Variants in ZNF99 observed in about 807,000 individuals in gnomAD.
ZNF99 encodes zinc finger protein ENSP00000375192.
A neutral mutation model predicts 12.8 loss-of-function variants in ZNF99; 8 were observed. That is an observed-to-expected ratio of 0.62 (90% CI 0.37 to 1.13). The LOEUF is 1.13. Among genes scored for constraint, ZNF99 ranks in the 50% most tolerant of loss-of-function variants. The pLI is 0.02. For missense variants in ZNF99, 1,007 were observed against 1,006.2 expected (o/e 1.00, Z -0.01); for synonymous variants, 318 against 319.0 (o/e 1.00, Z 0.03).
intron 3 of ZNF99, 107 bp from the exon 4 acceptor site, chr19:22,759,789 A>G (rs1469500720): frequency 1.3e-6 from 1 of 773,176 alleles, no homozygotes; most frequent in Admixed American, 3.7e-5. Flanking sequence ...AAGATGGCAC[A>G]GCAAAATAAG....
At position 22,753,621 on chromosome 19, in the gene ZNF99, G is replaced by GT. The variant is rs1390626556; in HGVS notation, c.*3692dup. On this transcript the variant is annotated 3_prime_UTR_variant, in exon 4 of 4. Transcript: ENST00000596209. Reference sequence around the variant, plus strand: ...TAGTACTACAACCGTCTTTATATTTGTAATGTTTGTCATCAAAAGAAATAC... The same window carrying GT: ...TAGTACTACAACCGTCTTTATATTTGTTAATGTTTGTCATCAAAAGAAATAC... 2.0e-5 allele frequency: 3 copies of GT among 153,650 alleles called. No individual in the cohort carries two copies. Among genetic ancestry groups the GT allele is most frequent in the African/African-American group, 7.2e-5 (3 of 41,408 alleles). 9.5% of individuals were successfully genotyped at this position (153,650 alleles called of 1,614,324 possible).
Position 22,784,054 on chromosome 19 carries a change from G to C in ZNF99, c.-38C>G. The C allele has an allele frequency of 6.2e-7, 1 of 1,612,938 alleles. No individual in the cohort carries two copies. On this transcript the variant is annotated 5_prime_UTR_variant, in exon 1 of 4. In the 5' UTR this introduces an upstream ATG that the reference lacks. Transcript: ENST00000596209. Reference sequence around the variant, plus strand: ...AGGGGGTCCTGGCGTCCTAGCTGTGGATCTCCAAATACCTACAGGTCACAG... The same window carrying C: ...AGGGGGTCCTGGCGTCCTAGCTGTGCATCTCCAAATACCTACAGGTCACAG...
chr19:22,775,730 G>A (rs1973318188), intron 1 of ZNF99, among the ~76,000 whole-genome samples: 1 of 152,172 alleles, frequency 6.6e-6, no homozygotes, highest in South Asian at 2.1e-4. Context: ...CTCCTTAAAA[G>A]TAAACAAAAC....
In ZNF99 at chr19:22,755,160, A is replaced by G. The variant is rs763097738; in HGVS notation, c.*2154T>C. On this transcript the variant is annotated 3_prime_UTR_variant, in exon 4 of 4. Transcript: ENST00000596209. ...CTCCCATTGAATTATGTTGTTTAGC[A>G]AGAGTTGAGGACTGGCTAAAAGCAT... 36 of 245,468 alleles carry G rather than the reference A, an allele frequency of 1.5e-4. No individual in the cohort carries two copies. Among genetic ancestry groups the G allele is most frequent in the Admixed American group, 1.4e-4 (3 of 21,102 alleles). 15.2% of individuals were successfully genotyped at this position (245,468 alleles called of 1,614,324 possible). A position where few individuals can be genotyped will look rare whatever the true frequency, so the allele number is the denominator to read the frequency against.
At chr19:22,782,958 G>A (rs182650683) in intron 1 of ZNF99, among the ~76,000 whole-genome samples, 1 of 151,776 alleles carries the variant, frequency 6.6e-6, no homozygotes, top group Non-Finnish European at 1.5e-5. Flanking sequence ...GTAAGCCACC[G>A]AGCCAGGCCT....
chr19:22,775,823 G>C (rs1326552905), intron 1 of ZNF99, among the ~76,000 whole-genome samples: 1 of 152,074 alleles, frequency 6.6e-6, no homozygotes, highest in Non-Finnish European at 1.5e-5. Flanking sequence ...TCAGGAGTTC[G>C]AGACCAGCCT....
In ZNF99 at chr19:22,758,405, T is replaced by G. The variant is rs1344775841; in HGVS notation, c.1504A>C (p.Ile502Leu). Residue 502 changes from isoleucine to leucine, a missense_variant, in exon 4 of 4, where the codon ATT (isoleucine) becomes CTT (leucine). Ile to Leu is a conservative substitution (Grantham distance 5). Coordinates refer to ENST00000596209, the MANE Select transcript of ZNF99 (RefSeq NM_001080409.3). ...WSSKLTVHKV[I>L]HMEEKPCKCE... ...TTGCAAGGTTTCTCTTCCATATGAATTACCTTATGTACAGTAAGTTTTGAG... is the reference window on the plus strand; with the variant it reads ...TTGCAAGGTTTCTCTTCCATATGAAGTACCTTATGTACAGTAAGTTTTGAG... The G allele has an allele frequency of 8.1e-6, 13 of 1,604,892 alleles. No individual in the cohort carries two copies. The highest frequency in any genetic ancestry group is 1.0e-5 in the Non-Finnish European group (12 of 1,173,898).
Position 22,758,826 on chromosome 19 carries a change from T to G in ZNF99, c.1083A>C (p.Ile361=), listed in dbSNP as rs1365505733. 3.1e-6 allele frequency: 5 copies of G among 1,606,200 alleles called. No individual in the cohort carries two copies. In the African/African-American group the frequency reaches 4.0e-5, roughly 13 times the overall value. Residue 361 remains isoleucine, a synonymous_variant, in exon 4 of 4, where the codon ATA becomes ATC. Transcript: ENST00000596209. ...TGTAGGGTTTCTCTTCAGTATGAATTATCTCATGTTTTCTAAGGGTTGAGG... is the reference window on the plus strand; with the variant it reads ...TGTAGGGTTTCTCTTCAGTATGAATGATCTCATGTTTTCTAAGGGTTGAGG... The part of the protein sequence containing the change: ...SQSSTLRKHE[I]IHTEEKPYKY...
rs777642839 is a variant in ZNF99, at chr19:22,759,318, T to C, written c.591A>G (p.Arg197=). Residue 197 remains arginine, a synonymous_variant, in exon 4 of 4, where the codon AGA becomes AGG. Transcript: ENST00000596209. ...GTTCTTCACATTTGTAGATATTCTCTCTAGTATGAATTCTCTTATGTTGAA... is the reference window on the plus strand; with the variant it reads ...GTTCTTCACATTTGTAGATATTCTCCCTAGTATGAATTCTCTTATGTTGAA... ...HLIQHKRIHT[R]ENIYKCEERG... 5.8e-6 allele frequency: 9 copies of C among 1,549,338 alleles called. No individual in the cohort carries two copies. The East Asian group carries it at 7.3e-5, about 13-fold the overall frequency.
chr19:22,778,217 C>G (rs1243994954), intron 1 of ZNF99, among the ~76,000 whole-genome samples: 2 of 151,864 alleles, frequency 1.3e-5, no homozygotes, highest in Non-Finnish European at 2.9e-5. Context: ...TTTATCCTCT[C>G]TCACCCTGGG....
intron 1 of ZNF99, among the ~76,000 whole-genome samples, chr19:22,778,485 C>A (rs1361545907): frequency 6.6e-6 from 1 of 152,162 alleles, no homozygotes; most frequent in African/African-American, 2.4e-5. Flanking sequence ...AGGGCTCAGT[C>A]TCACAACATT....
At chr19:22,778,541 G>T (rs2145159902) in intron 1 of ZNF99, among the ~76,000 whole-genome samples, 1 of 152,170 alleles carries the variant, frequency 6.6e-6, no homozygotes, top group Admixed American at 6.5e-5. Flanking sequence ...GCCCATCTTT[G>T]CTTCTGAGCT....
At position 22,759,682 on chromosome 19, in the gene ZNF99, A is replaced by G; in HGVS notation, c.227T>C (p.Val76Ala). ...KRHEMVTKPP[V>A]ISSHFTQDFW... Reference sequence around the variant, plus strand: ...GTCTTGTGTAAAATGAGAACTAATAACTGGAAGAAATGAAAATAATAAATT... The same window carrying G: ...GTCTTGTGTAAAATGAGAACTAATAGCTGGAAGAAATGAAAATAATAAATT... Residue 76 changes from valine (V) to alanine (A), a missense_variant and splice_region_variant, in exon 4 of 4, where the codon GTT becomes GCT. Val to Ala is a moderately conservative substitution (Grantham distance 64). Transcript: ENST00000596209. 6.6e-7 allele frequency: 1 copy of G among 1,513,850 alleles called. No homozygotes were observed. Among genetic ancestry groups the G allele is most frequent in the Non-Finnish European group, 8.8e-7 (1 of 1,136,032 alleles). 93.8% of individuals were successfully genotyped at this position (1,513,850 alleles called of 1,614,324 possible).
Position 22,754,638 on chromosome 19 carries a change from T to C in ZNF99, c.*2676A>G. 2.9e-6 allele frequency: 1 copy of C among 346,286 alleles called. No individual in the cohort carries two copies. 21.5% of individuals were successfully genotyped at this position (346,286 alleles called of 1,614,324 possible). A position where few individuals can be genotyped will look rare whatever the true frequency, so the allele number is the denominator to read the frequency against. On this transcript the variant is annotated 3_prime_UTR_variant, in exon 4 of 4. Transcript: ENST00000596209. ...AAGATGTGAGAAATGGTTACAGTGT[T>C]TGCCACATTCTTCATATTTGTAGGG...
rs545420215 is a variant in ZNF99, at chr19:22,755,700, G to T, written c.*1614C>A. ...AAAGCTTTGCCCATTCTTCATATTTGCAGTGTTTGTCTCTACTATGAATTA... is the reference window on the plus strand; with the variant it reads ...AAAGCTTTGCCCATTCTTCATATTTTCAGTGTTTGTCTCTACTATGAATTA... On this transcript the variant is annotated 3_prime_UTR_variant, in exon 4 of 4. Coordinates refer to ENST00000596209, the MANE Select transcript of ZNF99 (RefSeq NM_001080409.3). The T allele has an allele frequency of 7.0e-6, 2 of 285,748 alleles. No homozygotes were observed. Among genetic ancestry groups the T allele is most frequent in the South Asian group, 4.1e-5 (1 of 24,540 alleles). The allele number at this position is 285,748 out of a possible 1,614,324, so 17.7% of individuals were successfully genotyped here. A position where few individuals can be genotyped will look rare whatever the true frequency, so the allele number is the denominator to read the frequency against.
intron 3 of ZNF99, among the ~76,000 whole-genome samples, chr19:22,762,481 T>C (rs1171056831): frequency 6.6e-6 from 1 of 150,962 alleles, no homozygotes; most frequent in African/African-American, 2.5e-5. Context: ...AGCAGCGAGA[T>C]TGAAATGGTA....
chr19:22,756,601 T>C lies in ZNF99; in HGVS notation c.*713A>G. The C allele has an allele frequency of 6.2e-7, 1 of 1,600,326 alleles. No individual in the cohort carries two copies. The highest frequency in any genetic ancestry group is 8.5e-7 in the Non-Finnish European group (1 of 1,176,740). On this transcript the variant is annotated 3_prime_UTR_variant, in exon 4 of 4. Coordinates refer to ENST00000596209, the MANE Select transcript of ZNF99 (RefSeq NM_001080409.3). ...AAGGTGTGAGGATTGCTTAAAAGCTTTGCCACATTCTTCACATTTGTACGG... is the reference window on the plus strand; with the variant it reads ...AAGGTGTGAGGATTGCTTAAAAGCTCTGCCACATTCTTCACATTTGTACGG...
At chr19:22,768,629 C>T (rs111622940) in intron 2 of ZNF99, among the ~76,000 whole-genome samples, 1 of 152,010 alleles carries the variant, frequency 6.6e-6, no homozygotes, top group Non-Finnish European at 1.5e-5. Flanking sequence ...CAAGGTGTGG[C>T]AACTACATTT....
chr19:22,758,197 C>T lies in ZNF99; in HGVS notation c.1712G>A (p.Gly571Asp). 1 of 1,613,642 alleles carries T rather than the reference C, an allele frequency of 6.2e-7. No individual in the cohort carries two copies. The highest frequency in any genetic ancestry group is 8.5e-7 in the Non-Finnish European group (1 of 1,179,802). ...ATGTGAAGATTGCTTAAAAGCTTTG[C>T]CACATTCTTCACATTTGTATGGTTT... The part of the protein sequence containing the change: ...GKKPYKCEEC[G>D]KAFKQSSHLT... The change falls in exon 4 of 4, where the codon GGC (glycine) becomes GAC (aspartate). Residue 571 changes from glycine (G) to aspartate (D), a missense_variant. Coordinates refer to ENST00000596209, the MANE Select transcript of ZNF99 (RefSeq NM_001080409.3).
Sources: gnomAD v4.1 joint callset for allele counts (sites outside exome capture counted in the v4.1 genomes callset) on GRCh38, gnomAD v4.1.1 for gene constraint, MANE v1.5 for transcripts, NCBI Gene and HGNC (gene_info 2026-07-23, HGNC 2026-07-21) for gene names.